Variants in C1orf56 observed in about 807,000 individuals in gnomAD.
The protein encoded by C1orf56 is protein MENT.
C1orf56 carries 14 observed loss-of-function variants against 20.7 expected under a neutral mutation model. The observed-to-expected ratio is 0.68, with a 90% CI of 0.45 to 1.06. The LOEUF (loss-of-function observed/expected upper bound fraction) is 1.06, where lower values mean the gene tolerates loss of function less well. Among genes scored for constraint, C1orf56 ranks in the 50% least tolerant of loss-of-function variants. The probability of loss-of-function intolerance (pLI) is 0.00; values close to 1 mark genes in which losing one functional copy is unlikely to be tolerated. For missense variants in C1orf56, 424 were observed against 451.4 expected, an observed-to-expected ratio of 0.94 and a Z score of 0.55; for synonymous variants, 187 against 194.7, an observed-to-expected ratio of 0.96 and a Z score of 0.33.
At chr1:151,049,227 C>T (rs1345969930) in intron 1 of C1orf56, among the ~76,000 whole-genome samples, 1 of 151,838 alleles carries the variant, frequency 6.6e-6, no homozygotes, top group East Asian at 1.9e-4. Context: ...AATTCTCCTG[C>T]CTCAGCCTCT....
chr1:151,048,381 T>C lies in C1orf56; in HGVS notation c.534T>C (p.Pro178=), dbSNP rs764050067. The change falls in exon 1 of 2, where the codon CCT becomes CCC. Residue 178 remains proline (P), a synonymous_variant. Transcript: ENST00000368926. This position sits in a 1 kb window ranked among gnomAD's most constrained non-coding sequence, Gnocchi z 4.8. ...CCACCCTGAGCCAGTGGTCCACACC[T>C]GGGTCTACCCCGAGCCGGTGGCCGT... ...SQATLSQWST[P]GSTPSRWPSP... is the part of the protein sequence containing the mutation. 2 of 1,612,928 alleles carry C rather than the reference T, an allele frequency of 1.2e-6. No individual in the cohort carries two copies. Among genetic ancestry groups the C allele is most frequent in the South Asian group, 1.1e-5 (1 of 91,084 alleles).
Position 151,048,045 on chromosome 1 carries a change from C to A in C1orf56, c.198C>A (p.Asp66Glu). The stretch of plus-strand genomic sequence containing the variant: ...GGAAGACAAGGATAATCCTAGAGGA[C>A]GAGAATGATGCCATGGCCGACGCCG... ...LPRKTRIILE[D>E]ENDAMADADR... The change falls in exon 1 of 2, where the codon GAC (aspartate) becomes GAA (glutamate). Residue 66 changes from aspartate to glutamate, a missense_variant. Physicochemically the swap from Asp to Glu is conservative, Grantham distance 45. Coordinates refer to ENST00000368926, the MANE Select transcript of C1orf56 (RefSeq NM_017860.5). This position sits in a 1 kb window ranked among gnomAD's most constrained non-coding sequence, Gnocchi z 4.8. 3 of 1,614,090 alleles carry A rather than the reference C, an allele frequency of 1.9e-6. No homozygotes were observed. Among genetic ancestry groups the A allele is most frequent in the Non-Finnish European group, 2.5e-6 (3 of 1,179,996 alleles).
rs1184974398 is a variant in C1orf56 at position 151,050,634 on chromosome 1, T to C, written c.*176T>C. 8 of 593,914 alleles carry C rather than the reference T, an allele frequency of 1.3e-5. No homozygotes were observed. The highest frequency in any genetic ancestry group is 1.3e-4 in the African/African-American group (7 of 53,420). The allele number at this position is 593,914 out of a possible 1,614,324, so 36.8% of individuals were successfully genotyped here. ...GGAGAGACATAAATCCCTTCATCCC[T>C]AAGACTGAACTATGTAACTAGCAGC... On this transcript the variant is annotated 3_prime_UTR_variant, in exon 2 of 2. Transcript: ENST00000368926.
chr1:151,049,986 A>G (rs1198650970), intron 1 of C1orf56, among the ~76,000 whole-genome samples: 1 of 152,244 alleles, frequency 6.6e-6, no homozygotes. Flanking sequence ...CCTATGAGGT[A>G]TTATTATCCC....
At chr1:151,049,887 AAT>A (rs1676142251) in intron 1 of C1orf56, among the ~76,000 whole-genome samples, 1 of 152,246 alleles carries the variant, frequency 6.6e-6, no homozygotes, top group Non-Finnish European at 1.5e-5. Context: ...TTAATCAATT[AAT>A]AGTTTTGACC....
In C1orf56 at chr1:151,048,816, G is replaced by A. The variant is rs748430009; in HGVS notation, c.969G>A (p.Trp323Ter). ...TCAGGATTGGCCTGGAGGATATTTG[G>A]AATAGCCTCTCTTCAGTGTTCACAG... ...KRVRIGLEDI[W>*]NSLSSVFTEM... The change falls in exon 1 of 2, where the codon TGG (tryptophan) becomes TGA (stop). Residue 323 changes from tryptophan (W) to a stop codon, truncating the protein, a stop_gained. Transcript: ENST00000368926. LOFTEE classifies it high-confidence loss of function. The surrounding 1 kb of genome is among the most constrained non-coding windows in gnomAD (Gnocchi z 4.8). 1.6e-5 allele frequency: 25 copies of A among 1,594,064 alleles called. No homozygotes were observed. Among genetic ancestry groups the A allele is most frequent in the Non-Finnish European group, 2.0e-5 (24 of 1,171,200 alleles).
rs1676115185 is a variant in C1orf56, at chr1:151,048,745, C to G, written c.898C>G (p.Leu300Val). Residue 300 changes from leucine (L) to valine (V), a missense_variant, in exon 1 of 2, where the codon CTG becomes GTG. Transcript: ENST00000368926. The surrounding 1 kb of genome is among the most constrained non-coding windows in gnomAD (Gnocchi z 4.8). The part of the protein sequence containing the change: ...PTIHLRSSPS[L>V]PPASPCPALA... ...CATCCACCTCAGAAGCAGTCCCAGC[C>G]TGCCACCCGCCAGCCCCTGCCCAGC... 6.2e-7 allele frequency: 1 copy of G among 1,613,656 alleles called. No homozygotes were observed. The highest frequency in any genetic ancestry group is 1.7e-5 in the Admixed American group (1 of 59,926).
At position 151,047,758 on chromosome 1, in the gene C1orf56, C is replaced by G. The variant is rs902049727; in HGVS notation, c.-90C>G. The G allele has an allele frequency of 7.0e-7, 1 of 1,426,122 alleles. No individual in the cohort carries two copies. Among genetic ancestry groups the G allele is most frequent in the Non-Finnish European group, 9.1e-7 (1 of 1,095,802 alleles). The allele number at this position is 1,426,122 out of a possible 1,614,324, so 88.3% of individuals were successfully genotyped here. A position where few individuals can be genotyped will look rare whatever the true frequency, so the allele number is the denominator to read the frequency against. On this transcript the variant is annotated 5_prime_UTR_variant, in exon 1 of 2. Coordinates refer to ENST00000368926, the MANE Select transcript of C1orf56 (RefSeq NM_017860.5). The stretch of plus-strand genomic sequence containing the variant: ...CCCCGCGGGCCTCGGTTCAAACGAC[C>G]CGGTGGGTCTACAGCGGAAGGGAGG...
In C1orf56 at chr1:151,050,563, AAC is replaced by A. The variant is rs1225971816; in HGVS notation, c.*109_*110del. 1.0e-5 allele frequency: 12 copies of A among 1,152,176 alleles called. No homozygotes were observed. The highest frequency in any genetic ancestry group is 1.4e-5 in the Non-Finnish European group (11 of 801,106). The allele number at this position is 1,152,176 out of a possible 1,614,324, so 71.4% of individuals were successfully genotyped here. The stretch of plus-strand genomic sequence containing the variant: ...TTAGTACAGAAAAACAAAACTGGAA[AAC>A]ACATTGTTTGGTCTTGTGTTTCTTT... On this transcript the variant is annotated 3_prime_UTR_variant, in exon 2 of 2. Coordinates refer to ENST00000368926, the MANE Select transcript of C1orf56 (RefSeq NM_017860.5).
rs1464266496 is a variant in C1orf56, at chr1:151,047,978, T to A, written c.131T>A (p.Met44Lys). The part of the protein sequence containing the change: ...QRVSLRFGGP[M>K]TRSYRSTART... ...GTCAGTTTACGCTTTGGGGGCCCCA[T>A]GACCCGCAGCTACCGGAGCACCGCC... The change falls in exon 1 of 2, where the codon ATG becomes AAG. Residue 44 changes from methionine (M) to lysine (K), a missense_variant. Transcript: ENST00000368926. 6.2e-7 allele frequency: 1 copy of A among 1,613,878 alleles called. No individual in the cohort carries two copies. The highest frequency in any genetic ancestry group is 8.5e-7 in the Non-Finnish European group (1 of 1,179,976).
Position 151,048,254 on chromosome 1 carries a change from G to C in C1orf56, c.407G>C (p.Ser136Thr), listed in dbSNP as rs761804232. 81 of 1,614,236 alleles carry C rather than the reference G, an allele frequency of 5.0e-5. 1 individual carries two copies. Among genetic ancestry groups the C allele is most frequent in the Non-Finnish European group, 6.9e-5 (81 of 1,180,048 alleles). ...SATPNTAGSS[S>T]TRFIANSQEP... ...ACTCCCAATACAGCGGGGAGTTCCA[G>C]CACGAGGTTTATAGCCAATAGTCAG... The change falls in exon 1 of 2, where the codon AGC (serine) becomes ACC (threonine). Residue 136 changes from serine to threonine, a missense_variant. Transcript: ENST00000368926. The surrounding 1 kb of genome is among the most constrained non-coding windows in gnomAD (Gnocchi z 4.8).
At position 151,050,590 on chromosome 1, in the gene C1orf56, T is replaced by G. The variant is rs898785207; in HGVS notation, c.*132T>G. The G allele has an allele frequency of 3.4e-6, 3 of 872,890 alleles. No homozygotes were observed. The highest frequency in any genetic ancestry group is 2.6e-5 in the Admixed American group (1 of 39,100). 54.1% of individuals were successfully genotyped at this position (872,890 alleles called of 1,614,324 possible). On this transcript the variant is annotated 3_prime_UTR_variant, in exon 2 of 2. Coordinates refer to ENST00000368926, the MANE Select transcript of C1orf56 (RefSeq NM_017860.5). ...CACATTGTTTGGTCTTGTGTTTCTT[T>G]ACAGAGGTACCTGAGGGAGGAGAGA...
intron 1 of C1orf56, among the ~76,000 whole-genome samples, 193 bp from the exon 2 acceptor site, chr1:151,050,245 C>T (rs924898627): frequency 7.2e-5 from 11 of 152,178 alleles, no homozygotes; most frequent in Admixed American, 5.9e-4. Context: ...AAAGCTTACA[C>T]TTGGTCATTT....
Position 151,048,377 on chromosome 1 carries a change from C to T in C1orf56, c.530C>T (p.Thr177Ile), listed in dbSNP as rs923365563. ...GSQATLSQWS[T>I]PGSTPSRWPS... ...CAGGCCACCCTGAGCCAGTGGTCCA[C>T]ACCTGGGTCTACCCCGAGCCGGTGG... Residue 177 changes from threonine to isoleucine, a missense_variant, in exon 1 of 2, where the codon ACA (threonine) becomes ATA (isoleucine). Thr to Ile is a moderately conservative substitution (Grantham distance 89). Transcript: ENST00000368926. The surrounding 1 kb of genome is among the most constrained non-coding windows in gnomAD (Gnocchi z 4.8). The T allele has an allele frequency of 1.9e-6, 3 of 1,613,188 alleles. No homozygotes were observed. The highest frequency in any genetic ancestry group is 1.7e-5 in the Admixed American group (1 of 60,038).
chr1:151,047,950 C>G lies in C1orf56; in HGVS notation c.103C>G (p.Arg35Gly). Residue 35 changes from arginine (R) to glycine (G), a missense_variant, in exon 1 of 2, where the codon CGG becomes GGG. Arg to Gly is a moderately radical substitution (Grantham distance 125). Coordinates refer to ENST00000368926, the MANE Select transcript of C1orf56 (RefSeq NM_017860.5). ...GACCCAGACTCCGACCGAAATGCAGCGGGTCAGTTTACGCTTTGGGGGCCC... is the reference window on the plus strand; with the variant it reads ...GACCCAGACTCCGACCGAAATGCAGGGGGTCAGTTTACGCTTTGGGGGCCC... ...GLTQTPTEMQ[R>G]VSLRFGGPMT... The G allele has an allele frequency of 6.2e-7, 1 of 1,613,502 alleles. No homozygotes were observed. Among genetic ancestry groups the G allele is most frequent in the Non-Finnish European group, 8.5e-7 (1 of 1,179,936 alleles).
Position 151,048,327 on chromosome 1 carries a change from G to A in C1orf56, c.480G>A (p.Arg160=), listed in dbSNP as rs1419828944. ...CAAGCCTGCCGCGCTCCCCCGGGAG[G>A]TCTACTGAGGACCTGCCAGGCTCGC... ...LTSSLPRSPG[R]STEDLPGSQA... Residue 160 remains arginine (R), a synonymous_variant, in exon 1 of 2, where the codon AGG becomes AGA. Transcript: ENST00000368926. The surrounding 1 kb of genome is among the most constrained non-coding windows in gnomAD (Gnocchi z 4.8). 1 of 1,614,130 alleles carries A rather than the reference G, an allele frequency of 6.2e-7. No homozygotes were observed. The highest frequency in any genetic ancestry group is 1.7e-5 in the Admixed American group (1 of 60,030).
At chr1:151,049,110 T>C (rs949053486) in intron 1 of C1orf56, among the ~76,000 whole-genome samples, 1 of 152,016 alleles carries the variant, frequency 6.6e-6, no homozygotes, top group African/African-American at 2.4e-5. Context: ...TAGTTAAGAT[T>C]GGAAATATTT....
Position 151,050,594 on chromosome 1 carries a change from G to C in C1orf56, c.*136G>C, listed in dbSNP as rs759192758. On this transcript the variant is annotated 3_prime_UTR_variant, in exon 2 of 2. Coordinates refer to ENST00000368926, the MANE Select transcript of C1orf56 (RefSeq NM_017860.5). The stretch of plus-strand genomic sequence containing the variant: ...TTGTTTGGTCTTGTGTTTCTTTACA[G>C]AGGTACCTGAGGGAGGAGAGACATA... The C allele has an allele frequency of 1.5e-5, 12 of 808,858 alleles. No homozygotes were observed. The highest frequency in any genetic ancestry group is 2.4e-5 in the Non-Finnish European group (12 of 510,174). 50.1% of individuals were successfully genotyped at this position (808,858 alleles called of 1,614,324 possible).
chr1:151,048,070 G>A lies in C1orf56; in HGVS notation c.223G>A (p.Asp75Asn). The A allele has an allele frequency of 6.2e-7, 1 of 1,614,058 alleles. No homozygotes were observed. Among genetic ancestry groups the A allele is most frequent in the Non-Finnish European group, 8.5e-7 (1 of 1,180,010 alleles). The change falls in exon 1 of 2, where the codon GAC (aspartate) becomes AAC (asparagine). Residue 75 changes from aspartate (D) to asparagine (N), a missense_variant. By Grantham distance (23) the Asp-to-Asn change is conservative. Transcript: ENST00000368926. The surrounding 1 kb of genome is among the most constrained non-coding windows in gnomAD (Gnocchi z 4.8). ...CGAGAATGATGCCATGGCCGACGCC[G>A]ACCGCCTGGCTGGACCAGCGGCTGC... ...EDENDAMADA[D>N]RLAGPAAAEL...
Sources: allele counts gnomAD v4.1 joint callset (sites outside exome capture counted in the v4.1 genomes callset), GRCh38; gene constraint gnomAD v4.1.1; non-coding constraint Gnocchi (gnomAD v3.1); transcripts MANE v1.5; gene names NCBI Gene and HGNC (gene_info 2026-07-23, HGNC 2026-07-21).